Variants in PPP2R5E observed in about 807,000 individuals in gnomAD.
PPP2R5E encodes protein phosphatase 2 regulatory subunit B'epsilon, also known as serine/threonine-protein phosphatase 2A 56 kDa regulatory subunit epsilon isoform.
In PPP2R5E, 4 loss-of-function variants were observed where a neutral mutation model predicts 65.3. The observed-to-expected ratio is 0.06, with a 90% CI of 0.03 to 0.14. The LOEUF is 0.14. Among genes scored for constraint, PPP2R5E ranks in the 10% least tolerant of loss-of-function variants. PPP2R5E has a pLI of 1.00. For synonymous variants in PPP2R5E, 183 were observed against 187.4 expected (o/e 0.98, Z 0.19); for missense variants, 274 against 556.1 (o/e 0.49, Z 5.10).
chr14:63,532,114 C>G (rs1317783002), intron 2 of PPP2R5E, among the ~76,000 whole-genome samples: 1 of 152,152 alleles, frequency 6.6e-6, no homozygotes, highest in Non-Finnish European at 1.5e-5. Flanking sequence ...TAGATACACA[C>G]ATACAAAATG....
chr14:63,419,110 G>C (rs1886866615), intron 4 of PPP2R5E, among the ~76,000 whole-genome samples: 1 of 152,134 alleles, frequency 6.6e-6, no homozygotes, highest in South Asian at 2.1e-4. Context: ...GCCTTCCAAA[G>C]TGTTAGTATT....
chr14:63,457,619 TC>T (rs2139494394), intron 2 of PPP2R5E, among the ~76,000 whole-genome samples: 1 of 152,284 alleles, frequency 6.6e-6, no homozygotes, highest in East Asian at 1.9e-4. Context: ...TCACCTATCT[TC>T]CAGTGAAAAC....
chr14:63,520,851 TAAAAATACAAAAAA>T (rs1254185041), intron 2 of PPP2R5E, among the ~76,000 whole-genome samples: 1 of 26,726 alleles, frequency 3.7e-5, no homozygotes, highest in Non-Finnish European at 8.8e-5. Flanking sequence ...TCATCTCTAC[TAAAAATACAAAAAA>T]AAAAAAAAAA....
At chr14:63,499,044 T>C (rs1891721677) in intron 2 of PPP2R5E, among the ~76,000 whole-genome samples, 1 of 152,206 alleles carries the variant, frequency 6.6e-6, no homozygotes, top group African/African-American at 2.4e-5. Context: ...AAATCATTTA[T>C]ATATGCACGT....
rs2139713646 is a variant in PPP2R5E at position 63,372,831 on chromosome 14, T to TA, written c.*3177dup. ...CACGCATAGGAGGTACAAAATAAAT[T>TA]AAACCCTTTCATTTAGGCAAACAAG... On this transcript the variant is annotated 3_prime_UTR_variant, in exon 14 of 14. Coordinates refer to ENST00000337537, the MANE Select transcript of PPP2R5E (RefSeq NM_006246.5). The TA allele has an allele frequency of 6.6e-6, 1 of 152,226 alleles. No homozygotes were observed. Among genetic ancestry groups the TA allele is most frequent in the South Asian group, 2.1e-4 (1 of 4,824 alleles). 9.4% of individuals were successfully genotyped at this position (152,226 alleles called of 1,614,324 possible).
chr14:63,398,744 C>T (rs1012037146), intron 5 of PPP2R5E, among the ~76,000 whole-genome samples: 2 of 152,070 alleles, frequency 1.3e-5, no homozygotes, highest in Non-Finnish European at 1.5e-5. Context: ...GAGCCGAGAT[C>T]GCGCTGCTGC....
intron 2 of PPP2R5E, among the ~76,000 whole-genome samples, chr14:63,522,231 C>G (rs1892946334): frequency 6.6e-6 from 1 of 152,202 alleles, no homozygotes; most frequent in Admixed American, 6.5e-5. Context: ...CAGACGGAGT[C>G]TGGTTCACTC....
intron 2 of PPP2R5E, among the ~76,000 whole-genome samples, chr14:63,458,075 C>A (rs1286941751): frequency 6.6e-6 from 1 of 152,168 alleles, no homozygotes; most frequent in African/African-American, 2.4e-5. Flanking sequence ...GTGTTCATTA[C>A]ATCTGAATAT....
intron 1 of PPP2R5E, among the ~76,000 whole-genome samples, chr14:63,542,469 T>C (rs1594989445): frequency 6.6e-6 from 1 of 151,700 alleles, no homozygotes; most frequent in East Asian, 2.0e-4. Context: ...TGCTAGAGAA[T>C]CCTCCTCACA....
intron 2 of PPP2R5E, among the ~76,000 whole-genome samples, chr14:63,497,286 A>G (rs1290063653): frequency 6.6e-6 from 1 of 152,132 alleles, no homozygotes; most frequent in Non-Finnish European, 1.5e-5. Flanking sequence ...TCTCTAGCCA[A>G]TTAAGAACCC....
chr14:63,506,649 T>G (rs1455662325), intron 2 of PPP2R5E, among the ~76,000 whole-genome samples: 1 of 152,026 alleles, frequency 6.6e-6, no homozygotes, highest in South Asian at 2.1e-4. Flanking sequence ...AAATAATACG[T>G]GTTGGCAAAG....
intron 2 of PPP2R5E, among the ~76,000 whole-genome samples, chr14:63,522,298 C>CT (rs1341768571): frequency 5.3e-5 from 8 of 151,780 alleles, no homozygotes; most frequent in African/African-American, 1.9e-4. Context: ...TCGCTACAAC[C>CT]TCCACCTCCC....
At chr14:63,473,655 A>C (rs1566729581) in intron 2 of PPP2R5E, among the ~76,000 whole-genome samples, 1 of 152,208 alleles carries the variant, frequency 6.6e-6, no homozygotes, top group African/African-American at 2.4e-5. Flanking sequence ...ATGCAATCAG[A>C]CTCAAGAGGC....
At chr14:63,525,392 T>A (rs1235826859) in intron 2 of PPP2R5E, among the ~76,000 whole-genome samples, 1 of 152,266 alleles carries the variant, frequency 6.6e-6, no homozygotes, top group East Asian at 1.9e-4. Flanking sequence ...TAGTAACTTC[T>A]CCCTTCAAAT....
Position 63,539,769 on chromosome 14 carries a change from T to C in PPP2R5E, c.-7-77A>G, listed in dbSNP as rs1893814124. The C allele has an allele frequency of 1.7e-5, 24 of 1,381,456 alleles. No homozygotes were observed. In the South Asian group the frequency reaches 3.0e-4, roughly 17 times the overall value. 85.6% of individuals were successfully genotyped at this position (1,381,456 alleles called of 1,614,324 possible). A position where few individuals can be genotyped will look rare whatever the true frequency, so the allele number is the denominator to read the frequency against. ...CATGTGAGTTATACAAATTCTAAAA[T>C]TCCCATATACAATATTCATGAAAAT... On this transcript the variant is annotated intron_variant, in intron 1 of 13. Transcript: ENST00000337537.
At chr14:63,436,884 T>G (rs1382162942) in intron 3 of PPP2R5E, among the ~76,000 whole-genome samples, 1 of 152,206 alleles carries the variant, frequency 6.6e-6, no homozygotes, top group Non-Finnish European at 1.5e-5. Flanking sequence ...CAACTCCATC[T>G]TGAACAGGGG....
intron 13 of PPP2R5E, among the ~76,000 whole-genome samples, chr14:63,376,729 A>G (rs1457251151): frequency 6.6e-6 from 1 of 152,222 alleles, no homozygotes; most frequent in Admixed American, 6.5e-5. Context: ...CATTTTTACA[A>G]AAAAAGGATT....
At chr14:63,496,154 T>C (rs547312125) in intron 2 of PPP2R5E, among the ~76,000 whole-genome samples, 6 of 152,178 alleles carry the variant, frequency 3.9e-5, no homozygotes, top group Non-Finnish European at 7.4e-5. Flanking sequence ...CTGGGATGTA[T>C]TGGTGTTCAC....
chr14:63,476,254 T>C (rs1373529810), intron 2 of PPP2R5E, among the ~76,000 whole-genome samples: 1 of 152,180 alleles, frequency 6.6e-6, no homozygotes, highest in East Asian at 1.9e-4. Context: ...CCCCCCCTTT[T>C]GCTTTTTGTT....
Sources: allele counts gnomAD v4.1 joint callset (sites outside exome capture counted in the v4.1 genomes callset), GRCh38; gene constraint gnomAD v4.1.1; transcripts MANE v1.5; gene names NCBI Gene and HGNC (gene_info 2026-07-23, HGNC 2026-07-21).